The following SOX6 variants were observed in gnomAD, a reference collection of about 807,000 sequenced individuals.
The protein encoded by SOX6 is SRY-box transcription factor 6.
In SOX6, 11 loss-of-function variants were observed where a neutral mutation model predicts 97.8. The ratio of observed to expected loss-of-function variants is 0.11; its 90% confidence interval spans 0.07 to 0.19. The LOEUF (loss-of-function observed/expected upper bound fraction) is 0.19. Among genes scored for constraint, SOX6 ranks in the 10% least tolerant of loss-of-function variants. The pLI is 1.00. For synonymous variants in SOX6, 360 were observed against 371.4 expected (o/e 0.97, Z 0.35); for missense variants, 810 against 1,039.5 (o/e 0.78, Z 3.04).
intron 3 of SOX6, among the ~76,000 whole-genome samples, chr11:16,641,735 CTTTT>C (rs944639936): frequency 2.0e-5 from 3 of 152,080 alleles, no homozygotes; most frequent in Non-Finnish European, 4.4e-5. Flanking sequence ...CAACCCCTGC[CTTTT>C]TTTGTTTTCC....
intron 3 of SOX6, among the ~76,000 whole-genome samples, chr11:16,663,092 T>A (rs1847778518): frequency 6.6e-6 from 1 of 151,454 alleles, no homozygotes; most frequent in Admixed American, 6.6e-5. Context: ...GGAAATCTCC[T>A]CAATCTTATA....
intron 3 of SOX6, among the ~76,000 whole-genome samples, chr11:16,236,449 A>G (rs1333279141): frequency 6.6e-6 from 1 of 152,040 alleles, no homozygotes; most frequent in Admixed American, 6.6e-5. Flanking sequence ...AGATTGATAT[A>G]ACGTTAGAGT....
chr11:16,420,072 A>C (rs561347107), intron 1 of SOX6, among the ~76,000 whole-genome samples: 95 of 152,332 alleles, frequency 6.2e-4, no homozygotes, highest in African/African-American at 2.2e-3. Context: ...CAAGTAATTG[A>C]TAATTGTCAC....
At chr11:16,318,355 T>C in intron 3 of SOX6, 91 bp downstream of exon 3, 1 of 1,397,490 alleles carries the variant, frequency 7.2e-7, no homozygotes, top group East Asian at 2.3e-5. Context: ...TGCACTTCTC[T>C]GACCCTTGAA....
At chr11:16,131,448 A>G (rs1322628519) in intron 6 of SOX6, among the ~76,000 whole-genome samples, 15 of 152,052 alleles carry the variant, frequency 9.9e-5, no homozygotes, top group Non-Finnish European at 1.5e-5. Context: ...AGGATTAATA[A>G]TGCCAAGTGT....
At chr11:16,726,947 C>T (rs376969420) in intron 2 of SOX6, among the ~76,000 whole-genome samples, 63 of 152,234 alleles carry the variant, frequency 4.1e-4, no homozygotes, top group African/African-American at 1.4e-3. Flanking sequence ...TCTTTTCCAA[C>T]GAATGATTTT....
intron 3 of SOX6, among the ~76,000 whole-genome samples, chr11:16,641,317 C>A (rs1360802624): frequency 6.6e-6 from 1 of 152,090 alleles, no homozygotes; most frequent in Non-Finnish European, 1.5e-5. Flanking sequence ...CCGAGGAGTG[C>A]TTTACTTCCA....
chr11:16,138,745 C>T (rs1850046835), intron 6 of SOX6, among the ~76,000 whole-genome samples: 1 of 152,006 alleles, frequency 6.6e-6, no homozygotes, highest in South Asian at 2.1e-4. Context: ...GTTCCCCTTC[C>T]TGTGTCCATG....
At chr11:16,606,925 G>T (rs1369204594) in intron 4 of SOX6, among the ~76,000 whole-genome samples, 1 of 152,196 alleles carries the variant, frequency 6.6e-6, no homozygotes, top group African/African-American at 2.4e-5. Flanking sequence ...CTCGGGATCA[G>T]CGCGTCCACC....
chr11:16,273,913 A>G (rs1197434192), intron 3 of SOX6, among the ~76,000 whole-genome samples: 2 of 152,086 alleles, frequency 1.3e-5, no homozygotes, highest in Non-Finnish European at 2.9e-5. Flanking sequence ...ATATACATAT[A>G]GAATAAACAT....
At chr11:16,434,071 G>C (rs1859324578) in intron 1 of SOX6, 1 of 151,904 alleles carries the variant, frequency 6.6e-6, no homozygotes, top group South Asian at 2.1e-4. Flanking sequence ...CTACATCCAG[G>C]CAATTTGTTT....
intron 4 of SOX6, among the ~76,000 whole-genome samples, chr11:16,593,945 G>T (rs1211090262): frequency 2.0e-5 from 3 of 152,082 alleles, no homozygotes; most frequent in Non-Finnish European, 4.4e-5. Flanking sequence ...ATATAAAGGG[G>T]TATACTTTTT....
chr11:16,423,878 T>C (rs1184643946), intron 1 of SOX6, among the ~76,000 whole-genome samples: 2 of 152,164 alleles, frequency 1.3e-5, no homozygotes, highest in Admixed American at 6.5e-5. Context: ...ATTTGTTTTA[T>C]AAGCAGAAAA....
intron 3 of SOX6, among the ~76,000 whole-genome samples, chr11:16,706,130 G>C (rs958104815): frequency 6.6e-6 from 1 of 151,700 alleles, no homozygotes; most frequent in Non-Finnish European, 1.5e-5. Context: ...TATTGTGTCC[G>C]TTTATGCTAT....
At chr11:16,211,464 A>AC (rs1554944561) in intron 4 of SOX6, among the ~76,000 whole-genome samples, 1 of 151,730 alleles carries the variant, frequency 6.6e-6, no homozygotes, top group Non-Finnish European at 1.5e-5. Flanking sequence ...TAAATTAAAA[A>AC]AAAAAACTAT....
intron 4 of SOX6, among the ~76,000 whole-genome samples, chr11:16,528,308 T>C (rs1429000635): frequency 6.6e-6 from 1 of 152,172 alleles, no homozygotes; most frequent in Non-Finnish European, 1.5e-5. Context: ...AGCTGTGTTT[T>C]ACATAAGTTA....
At chr11:16,171,579 G>A (rs1851040421) in intron 6 of SOX6, among the ~76,000 whole-genome samples, 1 of 151,434 alleles carries the variant, frequency 6.6e-6, no homozygotes. Context: ...ACATCCTGCA[G>A]GCCTTAGCAA....
chr11:16,260,751 A>C (rs562964522), intron 3 of SOX6, among the ~76,000 whole-genome samples: 1 of 152,332 alleles, frequency 6.6e-6, no homozygotes, highest in East Asian at 1.9e-4. Context: ...TCCAACCTTT[A>C]ATTTCCAATC....
At chr11:16,413,257 C>T (rs1251694684) in intron 1 of SOX6, among the ~76,000 whole-genome samples, 1 of 152,216 alleles carries the variant, frequency 6.6e-6, no homozygotes, top group South Asian at 2.1e-4. Flanking sequence ...ATTCTTCATT[C>T]GATAACTTTT....
Sources: allele counts gnomAD v4.1 joint callset (sites outside exome capture counted in the v4.1 genomes callset), GRCh38; gene constraint gnomAD v4.1.1; transcripts MANE v1.5; gene names NCBI Gene and HGNC (gene_info 2026-07-23, HGNC 2026-07-21).